The following FNTB variants were observed in gnomAD, a reference collection of about 807,000 sequenced individuals.
FNTB encodes farnesyltransferase, CAAX box, subunit beta, also known as protein farnesyltransferase subunit beta.
A neutral mutation model predicts 59.4 loss-of-function variants in FNTB; 27 were observed. The ratio of observed to expected loss-of-function variants is 0.45; its 90% CI spans 0.34 to 0.63. The LOEUF (loss-of-function observed/expected upper bound fraction) is 0.63. FNTB is among the 20% of genes least tolerant of loss of function. FNTB has a pLI of 0.02. For synonymous variants in FNTB, 230 were observed against 220.7 expected, an observed-to-expected ratio of 1.04 and a Z score of -0.37; for missense variants, 449 against 559.6, an observed-to-expected ratio of 0.80 and a Z score of 1.99.
chr14:65,026,237 C>CAG (rs1381649410), intron 4 of FNTB, among the ~76,000 whole-genome samples: 2 of 152,202 alleles, frequency 1.3e-5, no homozygotes, highest in African/African-American at 4.8e-5. Flanking sequence ...GCTTGATAAC[C>CAG]AGGGCTTTCC....
At position 64,991,329 on chromosome 14, in the gene FNTB, C is replaced by T. The variant is rs116888540; in HGVS notation, c.144+4232C>T. Among the ~76,000 whole-genome samples the T allele has an allele frequency of 2.9e-3, 446 of 152,216 alleles. 4 individuals carry two copies. The highest frequency in any genetic ancestry group is 4.6e-3 in the Non-Finnish European group (312 of 68,004). ...AAAGAATATGCTGTAAGGCCGAGTGCGGTGGCTCACTCCTGTAATCCCAGC... is the reference window on the plus strand; with the variant it reads ...AAAGAATATGCTGTAAGGCCGAGTGTGGTGGCTCACTCCTGTAATCCCAGC... On this transcript the variant is annotated intron_variant, in intron 1 of 11. Transcript: ENST00000246166. The surrounding 1 kb of genome is among the most constrained non-coding windows in gnomAD (Gnocchi z 4.4).
At chr14:64,987,172 G>C (rs1002120834) in intron 1 of FNTB, 75 bp downstream of exon 1, 5 of 1,562,624 alleles carry the variant, frequency 3.2e-6, no homozygotes, top group Non-Finnish European at 4.4e-6. Flanking sequence ...AGGGCCGCCC[G>C]GGTGCGGAAC....
intron 7 of FNTB, among the ~76,000 whole-genome samples, chr14:65,037,424 T>C (rs2062224174): frequency 1.8e-5 from 2 of 113,106 alleles, no homozygotes; most frequent in Admixed American, 9.1e-5. Flanking sequence ...TTTTTTTTTT[T>C]TTTTTTTTTT....
At position 65,053,335 on chromosome 14, in the gene FNTB, G is replaced by A. The variant is rs775704394; in HGVS notation, c.1053G>A (p.Leu351=). ...MCCQCPAGGL[L]DKPGKSRDFY... The stretch of plus-strand genomic sequence containing the variant: ...GCCAGTGCCCTGCGGGGGGGCTTCT[G>A]GATAAACCTGGCAAGTGAGTGTTTT... Residue 351 remains leucine, a synonymous_variant, in exon 10 of 12, where the codon CTG becomes CTA. Transcript: ENST00000246166. 6.9e-7 allele frequency: 1 copy of A among 1,439,694 alleles called. No homozygotes were observed. Among genetic ancestry groups the A allele is most frequent in the Non-Finnish European group, 9.2e-7 (1 of 1,090,570 alleles). 89.2% of individuals were successfully genotyped at this position (1,439,694 alleles called of 1,614,324 possible).
At chr14:65,041,726 C>T (rs1283378411) in intron 8 of FNTB, among the ~76,000 whole-genome samples, 1 of 152,172 alleles carries the variant, frequency 6.6e-6, no homozygotes, top group East Asian at 1.9e-4. Context: ...CAGAAAGCCT[C>T]CCCCGGTGTA....
At chr14:65,006,310 T>A (rs772007018) in intron 2 of FNTB, 2 of 1,613,620 alleles carry the variant, frequency 1.2e-6, no homozygotes, top group Non-Finnish European at 1.7e-6. Context: ...AGGAAAAATA[T>A]CAGCTTACTA....
intron 3 of FNTB, among the ~76,000 whole-genome samples, chr14:65,013,876 C>T (rs1011158753): frequency 9.2e-5 from 14 of 152,184 alleles, no homozygotes; most frequent in African/African-American, 1.9e-4. Flanking sequence ...CTTGTAACTA[C>T]ATGAGGTAGA....
rs1027436844 is a variant in FNTB at position 65,012,932 on chromosome 14, T to C, written c.282+543T>C. On this transcript the variant is annotated intron_variant, in intron 3 of 11. Coordinates refer to ENST00000246166, the MANE Select transcript of FNTB (RefSeq NM_002028.4). The surrounding 1 kb of genome is among the most constrained non-coding windows in gnomAD (Gnocchi z 5.0). The stretch of plus-strand genomic sequence containing the variant: ...AGAGGACCAGTATAGAGAGTGGTCC[T>C]TGCAATTTAACATTACTGTTTAAGA... 1.1e-4 allele frequency among the ~76,000 whole-genome samples: 16 copies of C among 152,220 alleles called. No homozygotes were observed. Among genetic ancestry groups the C allele is most frequent in the Admixed American group, 9.2e-4 (14 of 15,284 alleles).
rs185720190 is a variant in FNTB, at chr14:65,022,116, C to T, written c.375-5337C>T. On this transcript the variant is annotated intron_variant, in intron 4 of 11. Transcript: ENST00000246166. Reference sequence around the variant, plus strand: ...TCACCTGTCCATTGTCATATTCTACCTAGGGAAGGAGATTTCCTCTTCACT... The same window carrying T: ...TCACCTGTCCATTGTCATATTCTACTTAGGGAAGGAGATTTCCTCTTCACT... The T allele has an allele frequency of 7.1e-4, 325 of 455,054 alleles. 1 individual carries two copies. The highest frequency in any genetic ancestry group is 5.8e-3 in the African/African-American group (293 of 50,130). The allele number at this position is 455,054 out of a possible 1,614,324, so 28.2% of individuals were successfully genotyped here.
At chr14:64,996,851 A>G (rs1365453888) in intron 1 of FNTB, among the ~76,000 whole-genome samples, 2 of 140,106 alleles carry the variant, frequency 1.4e-5, no homozygotes, top group East Asian at 2.1e-4. Flanking sequence ...CTTTAACCCT[A>G]TCCCCAGTTC....
At chr14:65,003,503 C>G (rs1383294550) in intron 1 of FNTB, 3 of 151,988 alleles carry the variant, frequency 2.0e-5, no homozygotes, top group Non-Finnish European at 4.4e-5. Context: ...AAAAGAAAAA[C>G]AAGCAGAAGT....
chr14:65,060,359 C>T (rs1214856976), intron 11 of FNTB, among the ~76,000 whole-genome samples: 15 of 150,986 alleles, frequency 9.9e-5, no homozygotes, highest in South Asian at 2.1e-4. Context: ...GAGGCCGAGG[C>T]GGGTGGATCA....
rs1595005376 is a variant in FNTB, at chr14:65,007,568, C to T, written c.209+3255C>T. ...ATGTCAGTACATTCTATACTTAATC[C>T]CCTTCCCAGAAATGATTTTCTTCTC... On this transcript the variant is annotated intron_variant, in intron 2 of 11. Coordinates refer to ENST00000246166, the MANE Select transcript of FNTB (RefSeq NM_002028.4). This position sits in a 1 kb window ranked among gnomAD's most constrained non-coding sequence, Gnocchi z 4.9. 6.6e-6 allele frequency among the ~76,000 whole-genome samples: 1 copy of T among 152,174 alleles called. No homozygotes were observed. The highest frequency in any genetic ancestry group is 1.9e-4 in the East Asian group (1 of 5,194).
intron 9 of FNTB, among the ~76,000 whole-genome samples, chr14:65,048,842 C>T (rs1437617116): frequency 6.6e-6 from 1 of 151,602 alleles, no homozygotes. Context: ...CAGAGCAAGA[C>T]TTTGTCTCAA....
intron 1 of FNTB, among the ~76,000 whole-genome samples, chr14:64,987,777 G>C (rs1440373676): frequency 6.6e-6 from 1 of 152,228 alleles, no homozygotes; most frequent in African/African-American, 2.4e-5. Context: ...CTAAGGCCTA[G>C]AAGTAGGATC....
rs2061922489 is a variant in FNTB, at chr14:65,023,384, G to A, written c.375-4069G>A. ...ATCAATCACTTTAGATCAGTCCTCA[G>A]CCATCACCTAAGAGTCCCAAGTAAA... On this transcript the variant is annotated intron_variant, in intron 4 of 11. Transcript: ENST00000246166. The surrounding 1 kb of genome is among the most constrained non-coding windows in gnomAD (Gnocchi z 4.1). Among the ~76,000 whole-genome samples the A allele has an allele frequency of 6.6e-6, 1 of 152,130 alleles. No individual in the cohort carries two copies. Among genetic ancestry groups the A allele is most frequent in the South Asian group, 2.1e-4 (1 of 4,830 alleles).
intron 7 of FNTB, among the ~76,000 whole-genome samples, chr14:65,033,889 A>G (rs2062137090): frequency 6.6e-6 from 1 of 152,204 alleles, no homozygotes; most frequent in Non-Finnish European, 1.5e-5. Flanking sequence ...GTAGACACAT[A>G]TATACTATGA....
Position 65,053,324 on chromosome 14 carries a change from G to C in FNTB, c.1042G>C (p.Gly348Arg). The C allele has an allele frequency of 6.9e-7, 1 of 1,442,490 alleles. No individual in the cohort carries two copies. The highest frequency in any genetic ancestry group is 9.2e-7 in the Non-Finnish European group (1 of 1,091,490). 89.4% of individuals were successfully genotyped at this position (1,442,490 alleles called of 1,614,324 possible). A position where few individuals can be genotyped will look rare whatever the true frequency, so the allele number is the denominator to read the frequency against. The change falls in exon 10 of 12, where the codon GGG becomes CGG. Residue 348 changes from glycine (G) to arginine (R), a missense_variant. Physicochemically the swap from Gly to Arg is moderately radical, Grantham distance 125. Around this residue, in one of 2 missense-constraint regions of FNTB, gnomAD observed 337 missense variants for 479.1 expected, o/e 0.70. Transcript: ENST00000246166. ...CCTGATGTGCTGCCAGTGCCCTGCGGGGGGGCTTCTGGATAAACCTGGCAA... is the reference window on the plus strand; with the variant it reads ...CCTGATGTGCTGCCAGTGCCCTGCGCGGGGGCTTCTGGATAAACCTGGCAA... Reference protein sequence around the residue: ...YILMCCQCPAGGLLDKPGKSR... With the variant: ...YILMCCQCPARGLLDKPGKSR...
chr14:65,053,197 T>C, intron 9 of FNTB, 41 bp from the exon 10 acceptor site: 1 of 1,323,138 alleles, frequency 7.6e-7, no homozygotes, highest in Non-Finnish European at 9.8e-7. Context: ...GATACTTGGC[T>C]GGATCTGCCG....
Sources: allele counts gnomAD v4.1 joint callset (sites outside exome capture counted in the v4.1 genomes callset), GRCh38; gene constraint gnomAD v4.1.1; regional missense constraint gnomAD v4.1.1; non-coding constraint Gnocchi (gnomAD v3.1); transcripts MANE v1.5; gene names NCBI Gene and HGNC (gene_info 2026-07-23, HGNC 2026-07-21).